WRN: variants seen among roughly 807,000 people sequenced by gnomAD.
The protein encoded by WRN is bifunctional 3'-5' exonuclease/ATP-dependent helicase WRN.
In WRN, 149 loss-of-function variants were observed where a neutral mutation model predicts 180.7. The ratio of observed to expected loss-of-function variants is 0.82; its 90% CI spans 0.72 to 0.94. The LOEUF is 0.94. Ranked by LOEUF, WRN falls within the 40% of genes least tolerant of loss-of-function variation. WRN has a pLI of 0.00. For missense variants in WRN, 1,661 were observed against 1,700.1 expected, an observed-to-expected ratio of 0.98 and a Z score of 0.40; for synonymous variants, 548 against 568.9, an observed-to-expected ratio of 0.96 and a Z score of 0.52.
intron 33 of WRN, among the ~76,000 whole-genome samples, chr8:31,162,203 A>G (rs1393856228): frequency 2.0e-5 from 3 of 152,232 alleles, no homozygotes; most frequent in Non-Finnish European, 4.4e-5. Flanking sequence ...TTAAAACACA[A>G]ACATATTGTA....
intron 30 of WRN, among the ~76,000 whole-genome samples, chr8:31,148,318 T>G (rs556390161): frequency 5.3e-5 from 8 of 152,302 alleles, no homozygotes; most frequent in African/African-American, 1.9e-4. Context: ...TGCAGAAGCC[T>G]CTTAACTATT....
At chr8:31,058,351 A>G in intron 1 of WRN, 21 bp from the exon 2 acceptor site, 1 of 1,010,776 alleles carries the variant, frequency 9.9e-7, no homozygotes, top group South Asian at 1.4e-5. Flanking sequence ...TTTCATTCAT[A>G]TTGACAGTAC....
At chr8:31,149,470 T>TG (rs1319824785) in intron 30 of WRN, among the ~76,000 whole-genome samples, 1,226 of 80,314 alleles carry the variant, frequency 0.015, 122 homozygotes, top group South Asian at 0.028. Context: ...TTTTTTTTTT[T>TG]TTTTTTTTTT....
intron 24 of WRN, among the ~76,000 whole-genome samples, chr8:31,138,625 G>A (rs186380898): frequency 2.6e-5 from 4 of 152,262 alleles, no homozygotes; most frequent in African/African-American, 9.6e-5. Context: ...GACAGGACTT[G>A]TTAACAAGGT....
At chr8:31,053,066 A>G (rs920592172) in intron 1 of WRN, among the ~76,000 whole-genome samples, 3 of 152,250 alleles carry the variant, frequency 2.0e-5, no homozygotes, top group Non-Finnish European at 2.9e-5. Flanking sequence ...AAAGGCATTC[A>G]TTTCAGATAT....
intron 1 of WRN, among the ~76,000 whole-genome samples, chr8:31,050,509 CTTTTT>C (rs60531883): frequency 7.5e-6 from 1 of 133,140 alleles, no homozygotes. Flanking sequence ...GTTTTGGATA[CTTTTT>C]TTTTTTTTTT....
intron 3 of WRN, among the ~76,000 whole-genome samples, chr8:31,060,432 C>T (rs935181833): frequency 8.6e-5 from 13 of 151,710 alleles, no homozygotes; most frequent in Admixed American, 8.5e-4. Context: ...GTCTGTGGTC[C>T]CAGCTACTCA....
At chr8:31,140,514 G>A (rs1387451039) in intron 24 of WRN, among the ~76,000 whole-genome samples, 1 of 152,176 alleles carries the variant, frequency 6.6e-6, no homozygotes, top group Non-Finnish European at 1.5e-5. Flanking sequence ...GCTGTGAAGA[G>A]CGTCCCGTAG....
At chr8:31,132,611 G>C in intron 24 of WRN, 105 bp downstream of exon 24, 6 of 1,495,050 alleles carry the variant, frequency 4.0e-6, no homozygotes, top group Non-Finnish European at 5.5e-6. Context: ...CTTCAGATGG[G>C]TGACTAGGAA....
At chr8:31,085,391 C>T (rs1813490941) in intron 11 of WRN, 145 bp downstream of exon 11, 9 of 900,058 alleles carry the variant, frequency 1.0e-5, no homozygotes, top group Non-Finnish European at 1.5e-5. Flanking sequence ...TTTTCCAATT[C>T]ATGTTTCTTT....
In WRN at chr8:31,162,083, A is replaced by G. The variant is rs371270297; in HGVS notation, c.3982+4553A>G. Among the ~76,000 whole-genome samples the G allele has an allele frequency of 3.9e-5, 6 of 152,254 alleles. 1 individual carries two copies. The highest frequency in any genetic ancestry group is 1.4e-4 in the African/African-American group (6 of 41,544). On this transcript the variant is annotated intron_variant, in intron 33 of 34. Transcript: ENST00000298139. ...CATATGTACCCTTGAAACTAAAACAAAAGTTAAAAAATTTATCTTCTTTTG... is the reference window on the plus strand; with the variant it reads ...CATATGTACCCTTGAAACTAAAACAGAAGTTAAAAAATTTATCTTCTTTTG...
intron 5 of WRN, among the ~76,000 whole-genome samples, chr8:31,066,508 T>G (rs1237873403): frequency 6.6e-6 from 1 of 152,190 alleles, no homozygotes; most frequent in Non-Finnish European, 1.5e-5. Context: ...CTCCCAGTTC[T>G]TGGTACTCTT....
At chr8:31,142,828 G>C in intron 27 of WRN, 127 bp downstream of exon 27, 1 of 788,576 alleles carries the variant, frequency 1.3e-6, no homozygotes, top group Non-Finnish European at 2.0e-6. Flanking sequence ...CATAAAATTC[G>C]GCCAGGGAAG....
At chr8:31,120,491 T>G (rs1801684477) in intron 21 of WRN, 67 bp downstream of exon 21, 2 of 1,462,214 alleles carry the variant, frequency 1.4e-6, no homozygotes, top group African/African-American at 2.9e-5. Context: ...ACCTCAAAAG[T>G]GTTTGAGGCT....
intron 24 of WRN, 134 bp from the exon 25 acceptor site, chr8:31,141,296 G>A (rs753757233): frequency 1.4e-5 from 15 of 1,038,034 alleles, no homozygotes; most frequent in Non-Finnish European, 2.1e-5. Context: ...GAGCACGATG[G>A]GTATAACATT....
At chr8:31,153,846 A>T (rs1308619161) in intron 31 of WRN, among the ~76,000 whole-genome samples, 1 of 152,180 alleles carries the variant, frequency 6.6e-6, no homozygotes, top group Non-Finnish European at 1.5e-5. Flanking sequence ...TCATATATGT[A>T]TACATAATAT....
At chr8:31,102,579 T>C (rs1040258826) in intron 18 of WRN, among the ~76,000 whole-genome samples, 3 of 151,792 alleles carry the variant, frequency 2.0e-5, no homozygotes, top group Non-Finnish European at 3.0e-5. Context: ...TGGTAAGTAT[T>C]TGTGTATCTA....
intron 31 of WRN, among the ~76,000 whole-genome samples, chr8:31,151,640 A>G (rs987151744): frequency 1.3e-5 from 2 of 152,198 alleles, no homozygotes; most frequent in Non-Finnish European, 2.9e-5. Flanking sequence ...TTCATGAATT[A>G]GTGATATTAT....
intron 24 of WRN, among the ~76,000 whole-genome samples, chr8:31,138,592 A>G (rs1802489188): frequency 6.6e-6 from 1 of 152,196 alleles, no homozygotes; most frequent in South Asian, 2.1e-4. Context: ...TACTCAAATC[A>G]ACCCTAAGTC....
Sources: allele counts gnomAD v4.1 joint callset (sites outside exome capture counted in the v4.1 genomes callset), GRCh38; gene constraint gnomAD v4.1.1; transcripts MANE v1.5; gene names NCBI Gene and HGNC (gene_info 2026-07-23, HGNC 2026-07-21).